Variants in INPP5K observed in about 807,000 individuals in gnomAD.
INPP5K encodes the protein inositol polyphosphate 5-phosphatase K.
Under a neutral mutation model 53.5 loss-of-function variants are expected in INPP5K, and 35 were observed. That is an observed-to-expected ratio of 0.65 (90% confidence interval 0.50 to 0.87). The LOEUF is 0.87. Among genes scored for constraint, INPP5K ranks in the 40% least tolerant of loss-of-function variants. The pLI is 0.00. For synonymous variants in INPP5K, 253 were observed against 232.8 expected, an observed-to-expected ratio of 1.09 and a Z score of -0.79; for missense variants, 550 against 586.2, an observed-to-expected ratio of 0.94 and a Z score of 0.64.
chr17:1,496,778 A>G lies in INPP5K; in HGVS notation c.989T>C (p.Leu330Pro), dbSNP rs2074860156. The change falls in exon 9 of 12, where the codon CTG becomes CCG. Residue 330 changes from leucine (L) to proline (P), a missense_variant. Transcript: ENST00000421807. ...LELKPLVSAP[L>P]IVLMPEDLWT... ...CAGGTCCTCGGGCATCAGGACGATC[A>G]GCGGAGCAGACACCAATGGCTTCAG... 6.2e-7 allele frequency: 1 copy of G among 1,614,064 alleles called. No homozygotes were observed. The highest frequency in any genetic ancestry group is 1.3e-5 in the African/African-American group (1 of 74,942).
At chr17:1,504,119 T>C (rs918749144) in intron 7 of INPP5K, among the ~76,000 whole-genome samples, 3 of 152,212 alleles carry the variant, frequency 2.0e-5, no homozygotes, top group Non-Finnish European at 2.9e-5. Flanking sequence ...AAACCTTCTA[T>C]TGACTAACTC....
intron 7 of INPP5K, among the ~76,000 whole-genome samples, chr17:1,502,279 A>G (rs909273712): frequency 2.2e-4 from 33 of 152,166 alleles, no homozygotes; most frequent in South Asian, 6.2e-4. Flanking sequence ...AACCCGGGAG[A>G]CAGAGCTTGT....
chr17:1,513,782 C>A, intron 2 of INPP5K, 90 bp downstream of exon 2: 1 of 1,085,410 alleles, frequency 9.2e-7, no homozygotes, highest in Non-Finnish European at 1.4e-6. Flanking sequence ...AGCCTTCAGA[C>A]TCCAGAGCGG....
chr17:1,496,471 G>A (rs2074843816), intron 9 of INPP5K, 69 bp from the exon 10 acceptor site: 3 of 1,393,512 alleles, frequency 2.2e-6, no homozygotes, highest in Admixed American at 2.0e-5. Context: ...CTAAGGAAGA[G>A]ATGGTCTCCC....
rs981223254 is a variant in INPP5K, at chr17:1,496,068, G to A, written c.1282C>T (p.Pro428Ser). ...TCACCAGCACTGCTTACCTGGAAGGGTCTGCTTATCCCCACCACAGAACGC... is the reference window on the plus strand; with the variant it reads ...TCACCAGCACTGCTTACCTGGAAGGATCTGCTTATCCCCACCACAGAACGC... The part of the protein sequence containing the change: ...SLRSVVGISR[P>S]FQIPPGSLRE... Residue 428 changes from proline to serine, a missense_variant, in exon 11 of 12, where the codon CCC becomes TCC. By Grantham distance (74) the Pro-to-Ser change is moderately conservative. Coordinates refer to ENST00000421807, the MANE Select transcript of INPP5K (RefSeq NM_016532.4). 6.2e-7 allele frequency: 1 copy of A among 1,606,098 alleles called. No homozygotes were observed. Among genetic ancestry groups the A allele is most frequent in the Admixed American group, 1.7e-5 (1 of 60,010 alleles).
intron 8 of INPP5K, 95 bp downstream of exon 8, chr17:1,497,841 G>GGACT: frequency 8.8e-7 from 1 of 1,140,378 alleles, no homozygotes; most frequent in Non-Finnish European, 1.3e-6. Flanking sequence ...CTCCCCTGGG[G>GGACT]GACTGGCTGA....
intron 10 of INPP5K, 66 bp downstream of exon 10, chr17:1,496,252 CT>C: frequency 6.7e-7 from 1 of 1,499,906 alleles, no homozygotes; most frequent in Non-Finnish European, 9.1e-7. Context: ...CACTCTGTTC[CT>C]TCCACAAGAC....
chr17:1,496,024 C>T (rs776327130), intron 11 of INPP5K, 36 bp downstream of exon 11: 2 of 1,497,604 alleles, frequency 1.3e-6, no homozygotes, highest in South Asian at 2.3e-5. Flanking sequence ...GAGCTCAAGC[C>T]CTCACCCTTC....
chr17:1,510,977 C>G (rs1166980706), intron 3 of INPP5K, among the ~76,000 whole-genome samples: 1 of 151,952 alleles, frequency 6.6e-6, no homozygotes, highest in African/African-American at 2.4e-5. Context: ...TGCAAAAACC[C>G]ATCAAAGTGT....
intron 5 of INPP5K, 161 bp from the exon 6 acceptor site, chr17:1,508,387 C>T: frequency 1.6e-6 from 1 of 637,008 alleles, no homozygotes; most frequent in Non-Finnish European, 2.8e-6. Context: ...GAACTGTTCT[C>T]ATGGCTCCTA....
At position 1,495,866 on chromosome 17, in the gene INPP5K, G is replaced by C. The variant is rs765149912; in HGVS notation, c.1304C>G (p.Ser435Cys). ...ISRPFQIPPGSLREDPLGEAQ... is the reference protein window; with the variant it reads ...ISRPFQIPPGCLREDPLGEAQ... ...TTCACCCAGTGGGTCCTCCCTCAAG[G>C]AGCCAGGCGGGATCTGCAGGGATAA... Residue 435 changes from serine (S) to cysteine (C), a missense_variant, in exon 12 of 12, where the codon TCC becomes TGC. By Grantham distance (112) the Ser-to-Cys change is moderately radical. Transcript: ENST00000421807. 7 of 1,613,152 alleles carry C rather than the reference G, an allele frequency of 4.3e-6. No homozygotes were observed. Among genetic ancestry groups the C allele is most frequent in the Non-Finnish European group, 5.9e-6 (7 of 1,179,262 alleles).
At chr17:1,506,200 T>C (rs1202703530) in intron 7 of INPP5K, among the ~76,000 whole-genome samples, 2 of 152,068 alleles carry the variant, frequency 1.3e-5, no homozygotes, top group Non-Finnish European at 2.9e-5. Flanking sequence ...ATTTTTGAAT[T>C]TTTAGTAGAG....
chr17:1,503,836 G>A (rs1208869306), intron 7 of INPP5K, among the ~76,000 whole-genome samples: 3 of 152,148 alleles, frequency 2.0e-5, no homozygotes, highest in Admixed American at 6.5e-5. Context: ...CTCCCTATAA[G>A]GGAGCTGGCC....
intron 3 of INPP5K, among the ~76,000 whole-genome samples, chr17:1,511,572 C>T (rs1478202733): frequency 6.6e-6 from 1 of 152,150 alleles, no homozygotes; most frequent in Non-Finnish European, 1.5e-5. Flanking sequence ...TCAAACCCAG[C>T]ACTGGGTAAG....
chr17:1,496,192 C>T (rs1307457977), intron 10 of INPP5K, 28 bp from the exon 11 acceptor site: 3 of 1,550,920 alleles, frequency 1.9e-6, no homozygotes. Flanking sequence ...GGACTGGGGT[C>T]AGCTCCAGGG....
At chr17:1,508,476 C>T in intron 5 of INPP5K, 1 of 490,718 alleles carries the variant, frequency 2.0e-6, no homozygotes, top group South Asian at 2.2e-5. Context: ...CTTCCTTCCT[C>T]TCCTTAACTG....
intron 3 of INPP5K, among the ~76,000 whole-genome samples, chr17:1,511,691 A>T (rs1379436695): frequency 6.6e-6 from 1 of 152,106 alleles, no homozygotes; most frequent in Non-Finnish European, 1.5e-5. Context: ...GCCAACAGGG[A>T]TGGAGGACGG....
chr17:1,504,509 G>A (rs540804991), intron 7 of INPP5K, among the ~76,000 whole-genome samples: 40 of 152,340 alleles, frequency 2.6e-4, no homozygotes, highest in South Asian at 1.9e-3. Context: ...CCCTGTTCCC[G>A]CCCAGACAGT....
At position 1,496,388 on chromosome 17, in the gene INPP5K, G is replaced by A. The variant is rs1248516154; in HGVS notation, c.1116C>T (p.Asp372=). ...AGGCATAGGACACGTAGTCATTAAC[G>A]TCCCGCAGCCCCACCTGTGAGGGGG... ...WIGLYKVGLR[D]VNDYVSYAWV... Residue 372 remains aspartate (D), a synonymous_variant, in exon 10 of 12, where the codon GAC becomes GAT. Transcript: ENST00000421807. 25 of 1,561,398 alleles carry A rather than the reference G, an allele frequency of 1.6e-5. No individual in the cohort carries two copies. The highest frequency in any genetic ancestry group is 1.3e-4 in the Admixed American group (7 of 51,924).
Sources: gnomAD v4.1 joint callset for allele counts (sites outside exome capture counted in the v4.1 genomes callset) on GRCh38, gnomAD v4.1.1 for gene constraint, MANE v1.5 for transcripts, NCBI Gene and HGNC (gene_info 2026-07-23, HGNC 2026-07-21) for gene names.